The following ZNF254 variants were observed in gnomAD, a reference collection of about 807,000 sequenced individuals.
The protein encoded by ZNF254 is zinc finger protein 254.
In ZNF254, 10 loss-of-function variants were observed where a neutral mutation model predicts 12.4. That is an observed-to-expected ratio of 0.80 (90% confidence interval 0.50 to 1.36). The LOEUF is 1.36. Among genes scored for constraint, ZNF254 ranks in the 40% most tolerant of loss-of-function variants. The pLI, the probability that ZNF254 is intolerant of heterozygous loss-of-function variation, is 0.00. For missense variants in ZNF254, 996 were observed against 763.9 expected (o/e 1.30, Z -3.58); for synonymous variants, 305 against 253.4 (o/e 1.20, Z -1.93).
rs897275352 is a variant in ZNF254, at chr19:24,065,227, A to G, written c.-94+18948A>G. 6.6e-5 allele frequency among the ~76,000 whole-genome samples: 10 copies of G among 152,186 alleles called. 1 individual carries two copies. Among genetic ancestry groups the G allele is most frequent in the Admixed American group, 5.9e-4 (9 of 15,282 alleles). ...AAGATTGTGATATATTGCTGGGCCC[A>G]GGAACCAGGTGTTTTGTCTATCTTT... On this transcript the variant is annotated intron_variant, in intron 2 of 4. Transcript: ENST00000613065.
chr19:24,068,392 C>T (rs969472960), intron 2 of ZNF254, among the ~76,000 whole-genome samples: 1 of 152,092 alleles, frequency 6.6e-6, no homozygotes. Context: ...AATCTGCCTC[C>T]TGGGTTCAAG....
rs1973353464 is a variant in ZNF254, at chr19:24,106,579, C to T, written c.189C>T (p.Thr63=). The T allele has an allele frequency of 6.3e-7, 1 of 1,583,780 alleles. No homozygotes were observed. Among genetic ancestry groups the T allele is most frequent in the East Asian group, 2.3e-5 (1 of 43,294 alleles). ...GIAVSKPDLI[T]CLEQGKEPWN... is the part of the protein sequence containing the mutation. ...CTGTCTCTAAGCCAGACCTGATCAC[C>T]TGTCTGGAACAAGGGAAAGAGCCCT... The change falls in exon 3 of 4, where the codon ACC becomes ACT. Residue 63 remains threonine (T), a synonymous_variant. Coordinates refer to ENST00000357002, the MANE Select transcript of ZNF254 (RefSeq NM_203282.4).
rs1568476852 is a variant in ZNF254, at chr19:24,126,641, A to G, written c.641A>G (p.Glu214Gly). Reference sequence around the variant, plus strand: ...AGAGAGAAGTCCTACAAATGTAAAGAATGTGGAAAAACCTTTAATTGGTCC... The same window carrying G: ...AGAGAGAAGTCCTACAAATGTAAAGGATGTGGAAAAACCTTTAATTGGTCC... The part of the protein sequence containing the change: ...YHREKSYKCK[E>G]CGKTFNWSST... Residue 214 changes from glutamate to glycine, a missense_variant, in exon 4 of 4, where the codon GAA becomes GGA. By Grantham distance (98) the Glu-to-Gly change is moderately conservative (BLOSUM62 -2). Coordinates refer to ENST00000357002, the MANE Select transcript of ZNF254 (RefSeq NM_203282.4). 8.7e-6 allele frequency: 14 copies of G among 1,611,440 alleles called. No homozygotes were observed. The highest frequency in any genetic ancestry group is 1.1e-5 in the Non-Finnish European group (13 of 1,179,308).
At chr19:24,121,474 T>C (rs1045138267) in intron 3 of ZNF254, among the ~76,000 whole-genome samples, 1 of 152,230 alleles carries the variant, frequency 6.6e-6, no homozygotes, top group African/African-American at 2.4e-5. Flanking sequence ...TAAGACCCTG[T>C]GGAGCAAAAT....
At chr19:24,075,598 TGGG>T (rs201543552) in intron 2 of ZNF254, among the ~76,000 whole-genome samples, 4,636 of 151,972 alleles carry the variant, frequency 0.031, 120 homozygotes, top group South Asian at 0.048. Context: ...ACAAGGCAAA[TGGG>T]GGCAGAGCAA....
At chr19:24,074,121 A>G (rs1351901899) in intron 2 of ZNF254, among the ~76,000 whole-genome samples, 1 of 152,202 alleles carries the variant, frequency 6.6e-6, no homozygotes, top group Non-Finnish European at 1.5e-5. Flanking sequence ...TCATTGTGAC[A>G]TATTGCTATG....
At chr19:24,125,063 G>A (rs557788623) in intron 3 of ZNF254, among the ~76,000 whole-genome samples, 28 of 152,256 alleles carry the variant, frequency 1.8e-4, no homozygotes, top group African/African-American at 6.7e-4. Context: ...TGGATTACAG[G>A]TGTGAGCCAC....
chr19:24,047,417 C>A (rs953065663), intron 2 of ZNF254, among the ~76,000 whole-genome samples: 50 of 151,374 alleles, frequency 3.3e-4, no homozygotes, highest in Non-Finnish European at 3.8e-4. Context: ...ATGAGCATGC[C>A]ATCATGCCTG....
intron 2 of ZNF254, among the ~76,000 whole-genome samples, chr19:24,052,006 G>C (rs1252562406): frequency 6.6e-6 from 1 of 151,816 alleles, no homozygotes; most frequent in Non-Finnish European, 1.5e-5. Context: ...CCCCGGAATG[G>C]GTATTGTGAC....
rs1165323748 is a variant in ZNF254 at position 24,044,487 on chromosome 19, G to C, written c.-189-1697G>C. 3.3e-5 allele frequency among the ~76,000 whole-genome samples: 5 copies of C among 151,426 alleles called. No homozygotes were observed. The South Asian group carries it at 1.0e-3, about 32-fold the overall frequency. On this transcript the variant is annotated intron_variant, in intron 1 of 4. Coordinates refer to the ZNF254 transcript ENST00000613065. ...CGGGAGGCAGAGCTTGCAGGGAGCCGAGATCGCGCCACTGCACCCCAGCCT... is the reference window on the plus strand; with the variant it reads ...CGGGAGGCAGAGCTTGCAGGGAGCCCAGATCGCGCCACTGCACCCCAGCCT...
In ZNF254 at chr19:24,055,271, C is replaced by CTCTTTT. The variant is rs1433762836; in HGVS notation, c.-94+9006_-94+9011dup. Among the ~76,000 whole-genome samples, 3 of 135,204 alleles carry CTCTTTT rather than the reference C, an allele frequency of 2.2e-5. No individual in the cohort carries two copies. In the South Asian group the frequency reaches 8.2e-4, roughly 37 times the overall value. 88.7% of individuals were successfully genotyped at this position (135,204 alleles called of 152,430 possible). On this transcript the variant is annotated intron_variant, in intron 2 of 4. Transcript: ENST00000613065. ...AGACCCAGCACACAGAGGAGATTTT[C>CTCTTTT]TCTTTTTCTTTTTCTTTTTTTCTTT...
chr19:24,093,919 A>T (rs1338916364), intron 1 of ZNF254, among the ~76,000 whole-genome samples: 1 of 152,168 alleles, frequency 6.6e-6, no homozygotes, highest in African/African-American at 2.4e-5. Flanking sequence ...ATTTATGAGC[A>T]TAAAGTTGTT....
At chr19:24,105,694 A>G (rs549761201) in intron 1 of ZNF254, 11 of 407,884 alleles carry the variant, frequency 2.7e-5, no homozygotes, top group South Asian at 1.4e-4. Flanking sequence ...TATGCCTTCA[A>G]TTTTACATGT....
At chr19:24,109,165 A>G (rs1276468845) in intron 3 of ZNF254, among the ~76,000 whole-genome samples, 1 of 152,220 alleles carries the variant, frequency 6.6e-6, no homozygotes, top group African/African-American at 2.4e-5. Flanking sequence ...GTAAAATAAC[A>G]TGTATTTAAA....
chr19:24,079,134 T>C (rs1374453697), intron 2 of ZNF254: 1 of 152,218 alleles, frequency 6.6e-6, no homozygotes, highest in Non-Finnish European at 1.5e-5. Context: ...GCATTTTTGC[T>C]TCTCAGTCAG....
chr19:24,096,046 T>C (rs1972648012), intron 1 of ZNF254, among the ~76,000 whole-genome samples: 1 of 151,120 alleles, frequency 6.6e-6, no homozygotes, highest in Non-Finnish European at 1.5e-5. Flanking sequence ...TTCTGATGTG[T>C]TGTTTTTTAG....
At chr19:24,043,490 G>A (rs897038306) in intron 1 of ZNF254, among the ~76,000 whole-genome samples, 2 of 152,064 alleles carry the variant, frequency 1.3e-5, no homozygotes, top group Non-Finnish European at 2.9e-5. Flanking sequence ...TCAAACTCCT[G>A]ACCTCAGGTG....
intron 2 of ZNF254, among the ~76,000 whole-genome samples, chr19:24,070,184 G>C (rs1971431371): frequency 6.6e-6 from 1 of 152,138 alleles, no homozygotes. Flanking sequence ...TCATTTCTGG[G>C]ATTAGAGCAG....
At chr19:24,036,231 T>C (rs1200344944) in intron 1 of ZNF254, among the ~76,000 whole-genome samples, 1 of 108,444 alleles carries the variant, frequency 9.2e-6, no homozygotes, top group Non-Finnish European at 1.7e-5. Context: ...CTCGGCTAAA[T>C]TTTTTTTTTT....
Sources: gnomAD v4.1 joint callset for allele counts (sites outside exome capture counted in the v4.1 genomes callset) on GRCh38, gnomAD v4.1.1 for gene constraint, MANE v1.5 for transcripts, NCBI Gene and HGNC (gene_info 2026-07-23, HGNC 2026-07-21) for gene names.